OPHN1: variants seen among roughly 807,000 people sequenced by gnomAD.
OPHN1 encodes oligophrenin-1.
OPHN1 carries 11 observed loss-of-function variants against 60.7 expected under a neutral mutation model. The observed-to-expected ratio is 0.18, with a 90% CI of 0.11 to 0.30. The LOEUF (loss-of-function observed/expected upper bound fraction) is 0.30, where lower values mean the gene tolerates loss of function less well. Among genes scored for constraint, OPHN1 ranks in the 10% least tolerant of loss-of-function variants. The pLI, the probability that OPHN1 is intolerant of heterozygous loss-of-function variation, is 1.00. For missense variants in OPHN1, 449 were observed against 611.0 expected, an observed-to-expected ratio of 0.73 and a Z score of 2.80; for synonymous variants, 226 against 222.6, an observed-to-expected ratio of 1.02 and a Z score of -0.14.
intron 15 of OPHN1, among the ~76,000 whole-genome samples, chrX:68,135,165 G>A (rs769399074): frequency 6.6e-4 from 74 of 111,672 alleles, no homozygotes; most frequent in African/African-American, 2.3e-3. Context: ...GAAATTTCTG[G>A]AATATTCACG....
At chrX:68,251,473 C>T (rs781441313) in intron 5 of OPHN1, among the ~76,000 whole-genome samples, 62 of 110,476 alleles carry the variant, frequency 5.6e-4, no homozygotes, top group African/African-American at 1.9e-3. Context: ...CGAGAGCCAC[C>T]GCACCTGGCC....
rs867263230 is a variant in OPHN1 at position 68,221,558 on chromosome X, A to G, written c.487-7586T>C. Among the ~76,000 whole-genome samples the G allele has an allele frequency of 1.5e-3, 142 of 92,416 alleles. 3 individuals are homozygous for G. The highest frequency in any genetic ancestry group is 5.2e-3 in the African/African-American group (138 of 26,765). 80.3% of individuals were successfully genotyped at this position (92,416 alleles called of 115,157 possible). On this transcript the variant is annotated intron_variant, in intron 6 of 24. Transcript: ENST00000355520. ...ACAAAGCTACAGTAACCAAAACAGC[A>G]TGGTACTGGTACCAAAACAGAGAGA... is the stretch of plus-strand genomic sequence containing the variant.
rs1327357247 is a variant in OPHN1, at chrX:68,422,633, AGG to A, written c.154+10232_154+10233del. 8.0e-3 allele frequency among the ~76,000 whole-genome samples: 796 copies of A among 99,824 alleles called. 8 individuals are homozygous for A. The highest frequency in any genetic ancestry group is 0.028 in the African/African-American group (762 of 27,059). The allele number at this position is 99,824 out of a possible 115,157, so 86.7% of individuals were successfully genotyped here. A position where few individuals can be genotyped will look rare whatever the true frequency, so the allele number is the denominator to read the frequency against. On this transcript the variant is annotated intron_variant, in intron 2 of 24. Coordinates refer to ENST00000355520, the MANE Select transcript of OPHN1 (RefSeq NM_002547.3). The stretch of plus-strand genomic sequence containing the variant: ...AAAAGAGAGAGAGAAAGAAAGAAAA[AGG>A]AAGGAAGGAAGGAGGGAGGGAGGAA...
At chrX:68,122,449 A>T (rs1201568453) in intron 15 of OPHN1, among the ~76,000 whole-genome samples, 1 of 111,761 alleles carries the variant, frequency 8.9e-6, no homozygotes, top group Non-Finnish European at 1.9e-5. Flanking sequence ...ATGAACATTC[A>T]CAAGCATCAG....
At chrX:68,296,071 G>A (rs747582488) in intron 3 of OPHN1, among the ~76,000 whole-genome samples, 1 of 111,191 alleles carries the variant, frequency 9.0e-6, no homozygotes, top group Non-Finnish European at 1.9e-5. Context: ...CCTCCCAGTA[G>A]GGTCCCCAGT....
rs181817540 is a variant in OPHN1, at chrX:68,393,133, G to A, written c.154+39734C>T. Among the ~76,000 whole-genome samples, 253 of 112,246 alleles carry A rather than the reference G, an allele frequency of 2.3e-3. 1 individual carries two copies. The highest frequency in any genetic ancestry group is 4.5e-3 in the South Asian group (12 of 2,687). ...TGTTCACCTGCATGCTCCGCTTCCCGTAAGGGGTTTGAGCAGCGGCAGCGA... is the reference window on the plus strand; with the variant it reads ...TGTTCACCTGCATGCTCCGCTTCCCATAAGGGGTTTGAGCAGCGGCAGCGA... On this transcript the variant is annotated intron_variant, in intron 2 of 24. Coordinates refer to ENST00000355520, the MANE Select transcript of OPHN1 (RefSeq NM_002547.3).
chrX:68,243,008 C>T, intron 5 of OPHN1, among the ~76,000 whole-genome samples: 1 of 111,261 alleles, frequency 9.0e-6, no homozygotes, highest in East Asian at 2.8e-4. Flanking sequence ...GCTAGGACTA[C>T]AGGCATGTGC....
intron 2 of OPHN1, among the ~76,000 whole-genome samples, chrX:68,322,314 C>A (rs762220844): frequency 9.0e-6 from 1 of 111,590 alleles, no homozygotes; most frequent in Non-Finnish European, 1.9e-5. Flanking sequence ...CCAGCAATTA[C>A]GTTCCCAGGC....
At chrX:68,363,908 G>C (rs768409322) in intron 2 of OPHN1, among the ~76,000 whole-genome samples, 1 of 110,960 alleles carries the variant, frequency 9.0e-6, no homozygotes, top group Non-Finnish European at 1.9e-5. Flanking sequence ...TGAATCTAGA[G>C]GGTTCATTAT....
At chrX:68,152,583 C>T (rs2077289637) in intron 15 of OPHN1, among the ~76,000 whole-genome samples, 1 of 109,801 alleles carries the variant, frequency 9.1e-6, no homozygotes, top group Admixed American at 9.7e-5. Flanking sequence ...AGCTGGACCA[C>T]AGGCACATGC....
At chrX:68,176,989 T>TAC (rs2077417388) in intron 15 of OPHN1, among the ~76,000 whole-genome samples, 1 of 107,716 alleles carries the variant, frequency 9.3e-6, no homozygotes, top group Non-Finnish European at 1.9e-5. Context: ...TATATATATA[T>TAC]ATATGCATAC....
chrX:68,285,810 T>A (rs186985311), intron 3 of OPHN1, among the ~76,000 whole-genome samples: 4 of 110,982 alleles, frequency 3.6e-5, no homozygotes, highest in African/African-American at 1.3e-4. Flanking sequence ...CCCCCAGTAG[T>A]AAGTTTTTCA....
chrX:68,377,893 G>A (rs1482876235), intron 2 of OPHN1, among the ~76,000 whole-genome samples: 7 of 111,575 alleles, frequency 6.3e-5, no homozygotes, highest in South Asian at 3.8e-4. Flanking sequence ...ATAAACATAC[G>A]TGTGCATGTT....
At chrX:68,069,607 T>C (rs780633022) in intron 20 of OPHN1, among the ~76,000 whole-genome samples, 1 of 110,779 alleles carries the variant, frequency 9.0e-6, no homozygotes, top group South Asian at 3.9e-4. Context: ...GGTAATCAAA[T>C]AGATTTTACA....
intron 19 of OPHN1, among the ~76,000 whole-genome samples, chrX:68,088,301 T>C (rs2077003010): frequency 9.0e-6 from 1 of 111,348 alleles, no homozygotes; most frequent in Non-Finnish European, 1.9e-5. Flanking sequence ...TAATTGTCTG[T>C]TCATTCCCCT....
rs34369189 is a variant in OPHN1 at position 68,172,963 on chromosome X, A to C, written c.1276+19956T>G. On this transcript the variant is annotated intron_variant, in intron 15 of 24. Transcript: ENST00000355520. The stretch of plus-strand genomic sequence containing the variant: ...ATGTATCTTAGACAATTGCCTCCTG[A>C]TGACCACCTCCCTATGGAACACATA... Among the ~76,000 whole-genome samples the C allele has an allele frequency of 4.8e-3, 528 of 111,032 alleles. 13 individuals carry two copies. In the Admixed American group the frequency reaches 0.048, roughly 10 times the overall value.
chrX:68,392,251 C>G (rs2078657235), intron 2 of OPHN1, among the ~76,000 whole-genome samples: 1 of 111,488 alleles, frequency 9.0e-6, no homozygotes, highest in Non-Finnish European at 1.9e-5. Context: ...ATTTTCTCTT[C>G]CTCATGATTC....
intron 2 of OPHN1, among the ~76,000 whole-genome samples, chrX:68,317,099 G>T (rs1230065824): frequency 9.2e-6 from 1 of 108,295 alleles, no homozygotes; most frequent in Non-Finnish European, 1.9e-5. Context: ...AGGAGCTCGA[G>T]AAAGGCCTGG....
At chrX:68,058,136 T>TA (rs1207912727) in intron 21 of OPHN1, among the ~76,000 whole-genome samples, 2 of 111,086 alleles carry the variant, frequency 1.8e-5, no homozygotes, top group African/African-American at 6.6e-5. Flanking sequence ...ACTCTACATG[T>TA]ACTTAACCTG....
Sources: allele counts gnomAD v4.1 joint callset (sites outside exome capture counted in the v4.1 genomes callset), GRCh38; gene constraint gnomAD v4.1.1; transcripts MANE v1.5; gene names NCBI Gene and HGNC (gene_info 2026-07-23, HGNC 2026-07-21).